ZNF618: variants seen among roughly 807,000 people sequenced by gnomAD.
The protein encoded by ZNF618 is neural precursor cell expressed, developmentally down-regulated 10.
ZNF618 carries 34 observed loss-of-function variants against 103.0 expected under a neutral mutation model. The ratio of observed to expected loss-of-function variants is 0.33; its 90% CI spans 0.25 to 0.44. The LOEUF (loss-of-function observed/expected upper bound fraction) is 0.44, where lower values mean the gene tolerates loss of function less well. Among genes scored for constraint, ZNF618 ranks in the 20% least tolerant of loss-of-function variants. ZNF618 has a pLI of 1.00. For missense variants in ZNF618, 1,059 were observed against 1,295.4 expected, an observed-to-expected ratio of 0.82 and a Z score of 2.80; for synonymous variants, 551 against 542.2, an observed-to-expected ratio of 1.02 and a Z score of -0.23.
At chr9:113,886,693 C>T (rs1449499473) in intron 1 of ZNF618, among the ~76,000 whole-genome samples, 1 of 151,908 alleles carries the variant, frequency 6.6e-6, no homozygotes, top group Non-Finnish European at 1.5e-5. Flanking sequence ...GTTGTGAGGC[C>T]TGCCTTTGTT....
At chr9:114,031,886 A>G (rs144936387) in intron 11 of ZNF618, among the ~76,000 whole-genome samples, 5 of 146,944 alleles carry the variant, frequency 3.4e-5, no homozygotes, top group Admixed American at 6.9e-5. Context: ...AGCTCGGATC[A>G]TCTGTTTCAA....
intron 2 of ZNF618, among the ~76,000 whole-genome samples, chr9:113,983,431 G>A (rs977476269): frequency 4.6e-5 from 7 of 152,164 alleles, no homozygotes; most frequent in African/African-American, 1.4e-4. Context: ...TGCCTTTGTC[G>A]CGGCAAGGAC....
chr9:113,957,459 C>A (rs1421200598), intron 1 of ZNF618, among the ~76,000 whole-genome samples: 1 of 152,198 alleles, frequency 6.6e-6, no homozygotes, highest in Non-Finnish European at 1.5e-5. Context: ...AGTCCAGCAA[C>A]CTCATTGAAC....
chr9:113,894,800 T>C (rs949089347), intron 1 of ZNF618, among the ~76,000 whole-genome samples: 1 of 152,226 alleles, frequency 6.6e-6, no homozygotes, highest in African/African-American at 2.4e-5. Context: ...TTTTATGTGA[T>C]TGTTAAGTTA....
At chr9:113,908,577 G>A (rs1157523771) in intron 1 of ZNF618, among the ~76,000 whole-genome samples, 2 of 152,062 alleles carry the variant, frequency 1.3e-5, no homozygotes, top group African/African-American at 4.8e-5. Context: ...GTCTCTAAAA[G>A]TTTCTCGGGC....
intron 1 of ZNF618, among the ~76,000 whole-genome samples, chr9:113,904,378 G>A (rs937811699): frequency 6.6e-6 from 1 of 151,984 alleles, no homozygotes; most frequent in African/African-American, 2.4e-5. Context: ...CATCCATAAA[G>A]TCTATCATAT....
chr9:114,025,019 G>T (rs1370466163), intron 10 of ZNF618, among the ~76,000 whole-genome samples: 1 of 152,172 alleles, frequency 6.6e-6, no homozygotes, highest in African/African-American at 2.4e-5. Context: ...GAGTGACCAT[G>T]GGGCTCACAT....
At chr9:113,930,720 C>G (rs4979305) in intron 1 of ZNF618, among the ~76,000 whole-genome samples, 2 of 152,164 alleles carry the variant, frequency 1.3e-5, no homozygotes, top group South Asian at 4.1e-4. Context: ...TTGCCTTCCT[C>G]GCTCAGCAGT....
intron 1 of ZNF618, among the ~76,000 whole-genome samples, chr9:113,919,383 A>C (rs571467956): frequency 6.6e-6 from 1 of 152,324 alleles, no homozygotes; most frequent in East Asian, 1.9e-4. Context: ...ATATTTAATG[A>C]ATTTTTCTTT....
chr9:113,897,518 C>G (rs1439404475), intron 1 of ZNF618, among the ~76,000 whole-genome samples: 1 of 152,188 alleles, frequency 6.6e-6, no homozygotes, highest in Admixed American at 6.5e-5. Context: ...CATGTACTTT[C>G]AGTCTACAGA....
chr9:114,020,055 CCATA>C (rs1465012614), intron 10 of ZNF618, among the ~76,000 whole-genome samples: 1 of 152,122 alleles, frequency 6.6e-6, no homozygotes, highest in East Asian at 1.9e-4. Flanking sequence ...TCATTTTATT[CCATA>C]CAGATACCTG....
At chr9:113,975,291 T>C (rs1382166219) in intron 2 of ZNF618, among the ~76,000 whole-genome samples, 2 of 152,348 alleles carry the variant, frequency 1.3e-5, no homozygotes, top group Non-Finnish European at 2.9e-5. Flanking sequence ...AATAGACTTA[T>C]ATGGAGTCAC....
intron 1 of ZNF618, among the ~76,000 whole-genome samples, chr9:113,881,919 C>G (rs7039786): frequency 0.036 from 5,548 of 152,262 alleles, 345 homozygotes; most frequent in African/African-American, 0.12. Context: ...GCTAGTAACT[C>G]CGGGATGATG....
intron 13 of ZNF618, among the ~76,000 whole-genome samples, chr9:114,043,746 C>G (rs1410092658): frequency 2.6e-5 from 4 of 152,142 alleles, no homozygotes; most frequent in African/African-American, 9.7e-5. Flanking sequence ...GCCATTCTTG[C>G]AGGAGTAAGG....
rs140833925 is a variant in ZNF618 at position 113,914,361 on chromosome 9, G to A, written c.33+37948G>A. Among the ~76,000 whole-genome samples the A allele has an allele frequency of 1.7e-3, 259 of 152,222 alleles. 2 individuals are homozygous for A. The highest frequency in any genetic ancestry group is 6.1e-3 in the Admixed American group (93 of 15,292). ...CCTCTGGCAGCCAGGCCTTCAAGAC[G>A]CAGGATATAGGCACCTTGGGGCTCT... is the stretch of plus-strand genomic sequence containing the variant. On this transcript the variant is annotated intron_variant, in intron 1 of 14. Coordinates refer to ENST00000374126, the MANE Select transcript of ZNF618 (RefSeq NM_001318042.2).
intron 1 of ZNF618, among the ~76,000 whole-genome samples, chr9:113,921,881 T>C (rs1356331560): frequency 6.6e-6 from 1 of 152,168 alleles, no homozygotes; most frequent in Non-Finnish European, 1.5e-5. Context: ...TTTCTTATGT[T>C]GTAGGGAGGG....
chr9:113,930,500 A>C (rs890799452), intron 1 of ZNF618, among the ~76,000 whole-genome samples: 6 of 152,174 alleles, frequency 3.9e-5, no homozygotes, highest in African/African-American at 1.4e-4. Flanking sequence ...CCTTGAATGG[A>C]TAAGAAATTA....
At chr9:113,933,658 G>A (rs1424854796) in intron 1 of ZNF618, among the ~76,000 whole-genome samples, 1 of 152,106 alleles carries the variant, frequency 6.6e-6, no homozygotes, top group Non-Finnish European at 1.5e-5. Flanking sequence ...GGAGGTTTGT[G>A]GTCACACATT....
At chr9:113,887,292 T>G (rs549584825) in intron 1 of ZNF618, among the ~76,000 whole-genome samples, 2 of 152,056 alleles carry the variant, frequency 1.3e-5, no homozygotes, top group African/African-American at 4.8e-5. Context: ...GAGAGAGAGA[T>G]TAGTAATTCA....
Sources: allele counts gnomAD v4.1 joint callset (sites outside exome capture counted in the v4.1 genomes callset), GRCh38; gene constraint gnomAD v4.1.1; transcripts MANE v1.5; gene names NCBI Gene and HGNC (gene_info 2026-07-23, HGNC 2026-07-21).